The following AXIN1 variants were observed in gnomAD, a reference collection of about 807,000 sequenced individuals.
The protein encoded by AXIN1 is axin 1, also known as axin-1.
A neutral mutation model predicts 76.4 loss-of-function variants in AXIN1; 30 were observed. The ratio of observed to expected loss-of-function variants is 0.39; its 90% CI spans 0.29 to 0.53. The LOEUF is 0.53. Ranked by LOEUF, AXIN1 falls within the 20% of genes least tolerant of loss-of-function variation. AXIN1 has a pLI of 0.66. For missense variants in AXIN1, 1,140 were observed against 1,198.8 expected, an observed-to-expected ratio of 0.95 and a Z score of 0.72; for synonymous variants, 545 against 501.4, an observed-to-expected ratio of 1.09 and a Z score of -1.16.
At chr16:298,466 C>G (rs996848176) in intron 5 of AXIN1, among the ~76,000 whole-genome samples, 1 of 152,216 alleles carries the variant, frequency 6.6e-6, no homozygotes, top group South Asian at 2.1e-4. Flanking sequence ...AGGAATGCAG[C>G]GTATGTATCG....
At chr16:327,220 G>A (rs1183723865) in intron 2 of AXIN1, among the ~76,000 whole-genome samples, 3 of 152,044 alleles carry the variant, frequency 2.0e-5, no homozygotes, top group Non-Finnish European at 4.4e-5. Flanking sequence ...TCTGCATGGC[G>A]GCAGACACTT....
At position 298,554 on chromosome 16, in the gene AXIN1, C is replaced by A. The variant is rs1477122833; in HGVS notation, c.1255-303G>T. On this transcript the variant is annotated intron_variant, in intron 5 of 10. Coordinates refer to ENST00000262320, the MANE Select transcript of AXIN1 (RefSeq NM_003502.4). ...ACAAGTTCTTGCTCTGTTGCCCAGG[C>A]TGGAGAACAGTGGTGTGATCTCAGC... Among the ~76,000 whole-genome samples, 3 of 152,348 alleles carry A rather than the reference C, an allele frequency of 2.0e-5. No homozygotes were observed. The East Asian group carries it at 5.8e-4, about 29-fold the overall frequency.
At chr16:301,234 G>A (rs1161626618) in intron 5 of AXIN1, among the ~76,000 whole-genome samples, 1 of 150,536 alleles carries the variant, frequency 6.6e-6, no homozygotes, top group Admixed American at 6.7e-5. Context: ...TCGTGCCACT[G>A]CACTCCAGCC....
intron 2 of AXIN1, among the ~76,000 whole-genome samples, chr16:330,832 G>C (rs896268910): frequency 1.3e-5 from 2 of 152,234 alleles, no homozygotes; most frequent in Non-Finnish European, 2.9e-5. Context: ...CCAAAGAACA[G>C]CCAATGACCT....
chr16:316,043 ACT>A (rs2053295393), intron 2 of AXIN1, among the ~76,000 whole-genome samples: 2 of 151,986 alleles, frequency 1.3e-5, no homozygotes, highest in Admixed American at 1.3e-4. Flanking sequence ...ACAGAGTAAG[ACT>A]CTGTCTCAAA....
At chr16:344,293 G>C (rs1375234822) in intron 2 of AXIN1, among the ~76,000 whole-genome samples, 1 of 151,574 alleles carries the variant, frequency 6.6e-6, no homozygotes, top group African/African-American at 2.4e-5. Context: ...TGGCCGGCAT[G>C]GTGGCGGGCG....
In AXIN1 at chr16:346,454, G is replaced by T. The variant is rs762933675; in HGVS notation, c.572C>A (p.Ala191Asp). 2 of 1,614,054 alleles carry T rather than the reference G, an allele frequency of 1.2e-6. No homozygotes were observed. The highest frequency in any genetic ancestry group is 1.3e-5 in the African/African-American group (1 of 74,900). ...MFDQAQTEIQ[A>D]TMEENTYPSF... ...GGGATAGGTGTTTTCCTCCATAGTG[G>T]CCTGGATTTCGGTCTGGGCCTGGTC... Residue 191 changes from alanine to aspartate, a missense_variant, in exon 2 of 11, where the codon GCC becomes GAC. Ala to Asp is a moderately radical substitution (Grantham distance 126). This residue lies in a region of AXIN1 where 708 missense variants were observed against 776.9 expected (regional missense o/e 0.91). Coordinates refer to ENST00000262320, the MANE Select transcript of AXIN1 (RefSeq NM_003502.4).
chr16:323,060 GGA>G (rs1294880706), intron 2 of AXIN1, among the ~76,000 whole-genome samples: 1 of 152,178 alleles, frequency 6.6e-6, no homozygotes, highest in East Asian at 1.9e-4. Context: ...GACTGAGGTA[GGA>G]GAGCTGCTTA....
At position 314,608 on chromosome 16, in the gene AXIN1, G is replaced by C. The variant is rs2141593293; in HGVS notation, c.954C>G (p.Ala318=). 6.2e-7 allele frequency: 1 copy of C among 1,614,036 alleles called. No individual in the cohort carries two copies. Among genetic ancestry groups the C allele is most frequent in the East Asian group, 2.2e-5 (1 of 44,884 alleles). Residue 318 remains alanine, a synonymous_variant, in exon 3 of 11, where the codon GCC becomes GCG. Transcript: ENST00000262320. ...AGYALAPATS[A]NDSEQQSLSS... ...ACAGGCTCTGCTGCTCGCTGTCGTT[G>C]GCACTGGTGGCTGGGGCCAGGGCAT...
intron 4 of AXIN1, among the ~76,000 whole-genome samples, chr16:308,000 G>A (rs1463712569): frequency 6.6e-6 from 1 of 152,198 alleles, no homozygotes; most frequent in Non-Finnish European, 1.5e-5. Flanking sequence ...CACCTGACAG[G>A]CCACATGGAC....
At chr16:326,141 T>A (rs1201843838) in intron 2 of AXIN1, among the ~76,000 whole-genome samples, 1 of 151,606 alleles carries the variant, frequency 6.6e-6, no homozygotes. Context: ...GATCATGAGG[T>A]CAGGAGTTCA....
Position 342,134 on chromosome 16 carries a change from T to C in AXIN1, c.878+4014A>G, listed in dbSNP as rs1343376480. The stretch of plus-strand genomic sequence containing the variant: ...AGCTTTGTTCTTTCTCTCTTTCCAG[T>C]AAGTCTTGCTGCTGCTCACTCTTTG... On this transcript the variant is annotated intron_variant, in intron 2 of 10. Coordinates refer to ENST00000262320, the MANE Select transcript of AXIN1 (RefSeq NM_003502.4). Among the ~76,000 whole-genome samples the C allele has an allele frequency of 2.0e-5, 3 of 152,180 alleles. No individual in the cohort carries two copies. The East Asian group carries it at 5.8e-4, about 29-fold the overall frequency.
intron 1 of AXIN1, among the ~76,000 whole-genome samples, chr16:349,590 T>TAA (rs1173506462): frequency 6.6e-6 from 1 of 152,172 alleles, no homozygotes; most frequent in Admixed American, 6.5e-5. Flanking sequence ...ATAAGGGACT[T>TAA]AAGTCTTCTG....
intron 10 of AXIN1, among the ~76,000 whole-genome samples, chr16:289,022 G>A (rs907549105): frequency 6.6e-6 from 1 of 152,176 alleles, no homozygotes; most frequent in Non-Finnish European, 1.5e-5. Context: ...AGGGCTTGGA[G>A]AAGTGGCTTT....
At chr16:320,157 C>T (rs192980386) in intron 2 of AXIN1, among the ~76,000 whole-genome samples, 1 of 152,252 alleles carries the variant, frequency 6.6e-6, no homozygotes, top group Non-Finnish European at 1.5e-5. Flanking sequence ...CCCTGGACTC[C>T]CACCTTAGCT....
At chr16:300,873 A>C (rs1427784177) in intron 5 of AXIN1, among the ~76,000 whole-genome samples, 1 of 152,350 alleles carries the variant, frequency 6.6e-6, no homozygotes. Context: ...CCACATCGGC[A>C]GGAATTCTAT....
At chr16:299,856 C>T (rs1597003972) in intron 5 of AXIN1, among the ~76,000 whole-genome samples, 1 of 150,344 alleles carries the variant, frequency 6.7e-6, no homozygotes, top group Admixed American at 6.7e-5. Context: ...GGAGTTTCAC[C>T]GTGTTAGCCA....
intron 2 of AXIN1, among the ~76,000 whole-genome samples, chr16:326,394 T>TATATATATATATATAAACACAC (rs144093618): frequency 8.4e-6 from 1 of 119,660 alleles, no homozygotes; most frequent in Non-Finnish European, 1.7e-5. Context: ...TATATATATA[T>TATATATATATATATAAACACAC]ACACACCTAT....
At chr16:329,794 T>C (rs927959300) in intron 2 of AXIN1, among the ~76,000 whole-genome samples, 2 of 151,664 alleles carry the variant, frequency 1.3e-5, no homozygotes, top group African/African-American at 4.8e-5. Flanking sequence ...CGGCTATTTT[T>C]TTTTTTTTTT....
Sources: allele counts gnomAD v4.1 joint callset (sites outside exome capture counted in the v4.1 genomes callset), GRCh38; gene constraint gnomAD v4.1.1; regional missense constraint gnomAD v4.1.1; transcripts MANE v1.5; gene names NCBI Gene and HGNC (gene_info 2026-07-23, HGNC 2026-07-21).